Variants in LHFPL6 observed in about 807,000 individuals in gnomAD.
LHFPL6 encodes the protein LHFPL tetraspan subfamily member 6, also known as LHFPL tetraspan subfamily member 6 protein.
Under a neutral mutation model 20.6 loss-of-function variants are expected in LHFPL6, and 9 were observed. The observed-to-expected ratio is 0.44, with a 90% CI of 0.26 to 0.76. The LOEUF (loss-of-function observed/expected upper bound fraction) is 0.76. Among genes scored for constraint, LHFPL6 ranks in the 30% least tolerant of loss-of-function variants. The pLI is 0.20. For missense variants in LHFPL6, 218 were observed against 253.5 expected (o/e 0.86, Z 0.95); for synonymous variants, 105 against 98.7 (o/e 1.06, Z -0.38).
intron 2 of LHFPL6, among the ~76,000 whole-genome samples, chr13:39,562,393 T>TATAC (rs1453410529): frequency 5.5e-5 from 5 of 90,466 alleles, no homozygotes; most frequent in Admixed American, 1.3e-4. Flanking sequence ...CATATACATA[T>TATAC]ATATACATAT....
intron 2 of LHFPL6, among the ~76,000 whole-genome samples, chr13:39,563,302 T>C (rs528309300): frequency 6.6e-6 from 1 of 152,204 alleles, no homozygotes; most frequent in South Asian, 2.1e-4. Context: ...AGCAGAAAAG[T>C]AGAAGAATGG....
intron 2 of LHFPL6, among the ~76,000 whole-genome samples, chr13:39,450,625 G>T (rs1872416338): frequency 6.6e-6 from 1 of 152,126 alleles, no homozygotes; most frequent in Admixed American, 6.5e-5. Flanking sequence ...CTCAGTAGGT[G>T]CTGCTAGTAC....
chr13:39,405,634 G>C (rs1237977976), intron 2 of LHFPL6, among the ~76,000 whole-genome samples: 1 of 152,168 alleles, frequency 6.6e-6, no homozygotes, highest in African/African-American at 2.4e-5. Context: ...CCAGACTGGG[G>C]GCAGGGGACA....
At chr13:39,470,490 AC>A (rs1211848908) in intron 2 of LHFPL6, among the ~76,000 whole-genome samples, 2 of 152,158 alleles carry the variant, frequency 1.3e-5, no homozygotes, top group African/African-American at 4.8e-5. Context: ...ATAAACACAG[AC>A]AAAAAATTTA....
chr13:39,569,921 CT>C (rs1467689842), intron 2 of LHFPL6, among the ~76,000 whole-genome samples: 2 of 152,136 alleles, frequency 1.3e-5, no homozygotes, highest in Non-Finnish European at 2.9e-5. Flanking sequence ...CTTTAAGCAC[CT>C]GTTCAAGCAC....
intron 2 of LHFPL6, among the ~76,000 whole-genome samples, chr13:39,542,276 G>T (rs1376085213): frequency 6.6e-6 from 1 of 152,034 alleles, no homozygotes. Context: ...TAGTTAAAAT[G>T]TATTGAGCTG....
At chr13:39,420,569 G>A (rs563829774) in intron 2 of LHFPL6, among the ~76,000 whole-genome samples, 9 of 152,286 alleles carry the variant, frequency 5.9e-5, no homozygotes, top group African/African-American at 2.2e-4. Flanking sequence ...GATACTGAAG[G>A]AAGTGGGGTT....
At chr13:39,487,070 T>C (rs1014916225) in intron 2 of LHFPL6, among the ~76,000 whole-genome samples, 10 of 152,172 alleles carry the variant, frequency 6.6e-5, no homozygotes, top group African/African-American at 2.2e-4. Context: ...CACTGATAAA[T>C]GAAATGTGAG....
At chr13:39,554,778 C>T (rs79884536) in intron 2 of LHFPL6, among the ~76,000 whole-genome samples, 1,851 of 152,136 alleles carry the variant, frequency 0.012, 27 homozygotes, top group African/African-American at 0.043. Context: ...GTAGATCTGT[C>T]CTTTTCCCTG....
intron 2 of LHFPL6, among the ~76,000 whole-genome samples, chr13:39,592,094 C>A (rs572238289): frequency 7.5e-4 from 112 of 148,482 alleles, no homozygotes; most frequent in African/African-American, 2.7e-3. Context: ...AAAACTCCGT[C>A]TCAAAAAAAA....
chr13:39,477,538 C>T (rs1024335436), intron 2 of LHFPL6, among the ~76,000 whole-genome samples: 3 of 152,148 alleles, frequency 2.0e-5, no homozygotes, highest in African/African-American at 7.2e-5. Flanking sequence ...CCCCTGGGTG[C>T]CTGCCTTTAG....
At chr13:39,464,212 T>C (rs765454986) in intron 2 of LHFPL6, among the ~76,000 whole-genome samples, 1 of 152,164 alleles carries the variant, frequency 6.6e-6, no homozygotes, top group Non-Finnish European at 1.5e-5. Flanking sequence ...CAGTACAGCA[T>C]AGAAACTCCA....
intron 2 of LHFPL6, among the ~76,000 whole-genome samples, chr13:39,387,887 G>A (rs1210676586): frequency 6.6e-6 from 1 of 152,156 alleles, no homozygotes; most frequent in East Asian, 1.9e-4. Context: ...CCACAGGGAA[G>A]TCTCCCACTG....
chr13:39,596,957 A>G lies in LHFPL6; in HGVS notation c.385+3875T>C, dbSNP rs546759041. Among the ~76,000 whole-genome samples the G allele has an allele frequency of 2.6e-5, 4 of 152,326 alleles. No individual in the cohort carries two copies. The South Asian group carries it at 8.3e-4, about 32-fold the overall frequency. On this transcript the variant is annotated intron_variant, in intron 2 of 3. Transcript: ENST00000379589. ...GAAAGACAGGCCCAGGTGGAACTCTACAGTAAGGAGACTCTGAAAAGGCAA... is the reference window on the plus strand; with the variant it reads ...GAAAGACAGGCCCAGGTGGAACTCTGCAGTAAGGAGACTCTGAAAAGGCAA...
intron 2 of LHFPL6, among the ~76,000 whole-genome samples, chr13:39,393,517 C>A (rs1266850029): frequency 1.3e-5 from 2 of 152,066 alleles, no homozygotes; most frequent in African/African-American, 4.8e-5. Flanking sequence ...GTGAAGAGAA[C>A]AGGCTGGGAG....
intron 3 of LHFPL6, among the ~76,000 whole-genome samples, chr13:39,346,139 G>GT (rs1275006773): frequency 6.6e-6 from 1 of 152,202 alleles, no homozygotes; most frequent in African/African-American, 2.4e-5. Flanking sequence ...TACTGGAGAA[G>GT]TAGTTAGCAT....
intron 2 of LHFPL6, among the ~76,000 whole-genome samples, chr13:39,411,436 G>A (rs915609221): frequency 2.0e-5 from 3 of 152,192 alleles, no homozygotes; most frequent in Admixed American, 6.5e-5. Flanking sequence ...TTGGAAGTGA[G>A]GTGCTTTTTG....
At chr13:39,424,803 T>C (rs891254570) in intron 2 of LHFPL6, among the ~76,000 whole-genome samples, 1 of 152,200 alleles carries the variant, frequency 6.6e-6, no homozygotes, top group African/African-American at 2.4e-5. Context: ...ATTTCTAGAC[T>C]ATTTCCCAGA....
At chr13:39,523,485 C>T (rs928174882) in intron 2 of LHFPL6, among the ~76,000 whole-genome samples, 4 of 147,696 alleles carry the variant, frequency 2.7e-5, no homozygotes, top group Non-Finnish European at 4.4e-5. Context: ...AGGAGAATGG[C>T]GTGAACCCGT....
Sources: allele counts gnomAD v4.1 joint callset (sites outside exome capture counted in the v4.1 genomes callset), GRCh38; gene constraint gnomAD v4.1.1; transcripts MANE v1.5; gene names NCBI Gene and HGNC (gene_info 2026-07-23, HGNC 2026-07-21).